Variants in PDE1C observed in about 807,000 individuals in gnomAD.
PDE1C encodes the protein dual specificity calcium/calmodulin-dependent 3',5'-cyclic nucleotide phosphodiesterase 1C.
In PDE1C, 62 loss-of-function variants were observed where a neutral mutation model predicts 93.1. The observed-to-expected ratio is 0.67, with a 90% CI of 0.54 to 0.82. PDE1C has a LOEUF of 0.82. Among genes scored for constraint, PDE1C ranks in the 40% least tolerant of loss-of-function variants. The pLI is 0.00. For synonymous variants in PDE1C, 325 were observed against 310.1 expected (o/e 1.05, Z -0.50); for missense variants, 742 against 884.6 (o/e 0.84, Z 2.04).
intron 1 of PDE1C, among the ~76,000 whole-genome samples, chr7:32,413,356 CTG>C (rs1785212175): frequency 6.6e-6 from 1 of 152,144 alleles, no homozygotes; most frequent in African/African-American, 2.4e-5. Flanking sequence ...TTCAACCTTG[CTG>C]TGTGTTTTAA....
intron 1 of PDE1C, among the ~76,000 whole-genome samples, chr7:32,061,444 T>G (rs1355767457): frequency 1.3e-5 from 2 of 152,234 alleles, no homozygotes; most frequent in Non-Finnish European, 2.9e-5. Flanking sequence ...TGGAGGCACC[T>G]CTGGAGCAGG....
chr7:32,334,289 T>TA (rs964938988), intron 1 of PDE1C, among the ~76,000 whole-genome samples: 1 of 152,176 alleles, frequency 6.6e-6, no homozygotes, highest in Non-Finnish European at 1.5e-5. Context: ...ATATGTCCTT[T>TA]AAAAAATGTT....
At chr7:31,625,215 C>T in the PDE1C span, among the ~76,000 whole-genome samples, 34 of 152,118 alleles carry the variant, frequency 2.2e-4, no homozygotes, top group South Asian at 1.7e-3. Flanking sequence ...GTCAGTGTGG[C>T]GATTCCTCAG....
At chr7:31,703,591 T>C in the PDE1C span, among the ~76,000 whole-genome samples, 2 of 152,358 alleles carry the variant, frequency 1.3e-5, no homozygotes. Flanking sequence ...TACTTTATTT[T>C]TGAAGCGCCT....
At chr7:31,953,449 A>G (rs549395017) in intron 2 of PDE1C, among the ~76,000 whole-genome samples, 1 of 152,344 alleles carries the variant, frequency 6.6e-6, no homozygotes, top group African/African-American at 2.4e-5. Context: ...CAGCAAAATT[A>G]CTGAAATTAC....
intron 3 of PDE1C, among the ~76,000 whole-genome samples, chr7:32,123,569 T>C (rs958758041): frequency 3.9e-5 from 6 of 152,086 alleles, no homozygotes; most frequent in Non-Finnish European, 7.4e-5. Context: ...ATAAATAAAC[T>C]TAATCCATCA....
intron 13 of PDE1C, among the ~76,000 whole-genome samples, chr7:31,823,794 T>C (rs549461476): frequency 6.6e-6 from 1 of 152,256 alleles, no homozygotes; most frequent in Admixed American, 6.5e-5. Context: ...TGTGAGGGAC[T>C]AGGTCATGCA....
chr7:31,642,638 T>G, the PDE1C span: 1 of 1,560,406 alleles, frequency 6.4e-7, no homozygotes. Flanking sequence ...TATTGCCTCC[T>G]CCACTTCCTG....
chr7:32,033,978 G>C (rs1005612344), intron 2 of PDE1C, among the ~76,000 whole-genome samples: 2 of 151,504 alleles, frequency 1.3e-5, no homozygotes, highest in African/African-American at 4.9e-5. Context: ...CAGCTTACTG[G>C]GTTATAGCCA....
At chr7:32,256,718 C>T (rs964202516) in intron 1 of PDE1C, among the ~76,000 whole-genome samples, 2 of 152,196 alleles carry the variant, frequency 1.3e-5, no homozygotes, top group Non-Finnish European at 1.5e-5. Flanking sequence ...TTGGGCAAGT[C>T]ACCTCTTCTG....
intron 2 of PDE1C, among the ~76,000 whole-genome samples, chr7:32,018,667 T>C (rs1222376903): frequency 6.6e-6 from 1 of 151,570 alleles, no homozygotes; most frequent in Non-Finnish European, 1.5e-5. Flanking sequence ...TATGGGAGAG[T>C]AGGAGGGGAA....
At chr7:31,913,107 G>C (rs1352851382) in intron 2 of PDE1C, among the ~76,000 whole-genome samples, 1 of 152,136 alleles carries the variant, frequency 6.6e-6, no homozygotes, top group East Asian at 1.9e-4. Context: ...GAGGACTCCA[G>C]CATCCTGAAC....
intron 1 of PDE1C, among the ~76,000 whole-genome samples, chr7:32,340,457 T>A (rs374343711): frequency 6.6e-6 from 1 of 152,154 alleles, no homozygotes; most frequent in Admixed American, 6.6e-5. Flanking sequence ...GGAGAACTGA[T>A]ACCATGGGGT....
the PDE1C span, among the ~76,000 whole-genome samples, chr7:31,628,736 T>G: frequency 0.93 from 142,265 of 152,190 alleles, 66,805 homozygotes; most frequent in East Asian, 0.99. Context: ...GATTACAGGC[T>G]TGAGCCACCG....
intron 9 of PDE1C, among the ~76,000 whole-genome samples, chr7:31,841,200 C>CCTCTCTGTCT (rs1554361886): frequency 5.0e-5 from 2 of 40,198 alleles, no homozygotes; most frequent in South Asian, 2.6e-3. Flanking sequence ...TGTCTCTCTC[C>CCTCTCTGTCT]CTCTCTCTGT....
the PDE1C span, among the ~76,000 whole-genome samples, chr7:31,723,616 T>C: frequency 6.6e-6 from 1 of 152,052 alleles, no homozygotes; most frequent in African/African-American, 2.4e-5. Flanking sequence ...GGCAGTCAGG[T>C]CCTTCCACAC....
intron 3 of PDE1C, among the ~76,000 whole-genome samples, chr7:32,157,827 G>A (rs889958571): frequency 2.0e-5 from 3 of 152,208 alleles, no homozygotes; most frequent in African/African-American, 7.2e-5. Context: ...GGAAGATAAT[G>A]TAGCTCATTT....
chr7:31,873,425 G>A lies in PDE1C; in HGVS notation c.493-17C>T. On this transcript the variant is annotated splice_polypyrimidine_tract_variant and intron_variant, in intron 5 of 17. Coordinates refer to ENST00000396191, the MANE Select transcript of PDE1C (RefSeq NM_001191057.4). Reference sequence around the variant, plus strand: ...GTCCACATCCTGCAGGACAGGGTGGGGAGAAAGAACACATTAGCCCACAGA... The same window carrying A: ...GTCCACATCCTGCAGGACAGGGTGGAGAGAAAGAACACATTAGCCCACAGA... 1.3e-6 allele frequency: 2 copies of A among 1,532,856 alleles called. No homozygotes were observed. The highest frequency in any genetic ancestry group is 2.3e-5 in the East Asian group (1 of 44,428). The allele number at this position is 1,532,856 out of a possible 1,614,324, so 95.0% of individuals were successfully genotyped here.
chr7:31,968,196 A>G, intron 2 of PDE1C, among the ~76,000 whole-genome samples: 1 of 152,222 alleles, frequency 6.6e-6, no homozygotes, highest in Non-Finnish European at 1.5e-5. Flanking sequence ...ACATGACTGT[A>G]TATCTAGAAA....
Sources: gnomAD v4.1 joint callset for allele counts (sites outside exome capture counted in the v4.1 genomes callset) on GRCh38, gnomAD v4.1.1 for gene constraint, MANE v1.5 for transcripts, NCBI Gene and HGNC (gene_info 2026-07-23, HGNC 2026-07-21) for gene names.